Variants in FER1L6 observed in about 807,000 individuals in gnomAD.
FER1L6 encodes the protein fer-1-like protein 6.
Under a neutral mutation model 219.2 loss-of-function variants are expected in FER1L6, and 177 were observed. That is an observed-to-expected ratio of 0.81 (90% confidence interval 0.71 to 0.91). The LOEUF (loss-of-function observed/expected upper bound fraction) is 0.91. Ranked by LOEUF, FER1L6 falls within the 40% of genes least tolerant of loss-of-function variation. The pLI, the probability that FER1L6 is intolerant of heterozygous loss-of-function variation, is 0.00. For missense variants in FER1L6, 2,153 were observed against 2,259.9 expected, an observed-to-expected ratio of 0.95 and a Z score of 0.96; for synonymous variants, 768 against 824.3, an observed-to-expected ratio of 0.93 and a Z score of 1.17.
intron 1 of FER1L6, among the ~76,000 whole-genome samples, chr8:123,856,501 A>G (rs1040036462): frequency 2.0e-5 from 3 of 151,412 alleles, no homozygotes; most frequent in Admixed American, 2.0e-4. Context: ...TAAGTCATTT[A>G]ATCACACTGA....
intron 20 of FER1L6, among the ~76,000 whole-genome samples, chr8:124,043,897 G>A (rs1032173585): frequency 4.6e-5 from 7 of 152,210 alleles, no homozygotes; most frequent in Non-Finnish European, 1.0e-4. Flanking sequence ...CCAAGGACAG[G>A]TCGATACGCA....
rs61303449 is a variant in FER1L6, at chr8:123,852,471, CGT to C, written c.-8+327_-8+328del. Among the ~76,000 whole-genome samples the C allele has an allele frequency of 0.11, 14,982 of 139,850 alleles. 861 individuals are homozygous for C. The highest frequency in any genetic ancestry group is 0.17 in the African/African-American group (6,155 of 36,840). The allele number at this position is 139,850 out of a possible 152,430, so 91.7% of individuals were successfully genotyped here. A position where few individuals can be genotyped will look rare whatever the true frequency, so the allele number is the denominator to read the frequency against. ...GCTTGAACTCCATGTTGTGAGCATG[CGT>C]GTGTGTGTGTGTGTGTGTGTGTGTG... On this transcript the variant is annotated intron_variant, in intron 1 of 40. Transcript: ENST00000522917. The surrounding 1 kb of genome is among the most constrained non-coding windows in gnomAD (Gnocchi z 4.9).
Position 123,855,946 on chromosome 8 carries a change from TGTA to T in FER1L6, c.-8+3765_-8+3767del, listed in dbSNP as rs1232833339. Among the ~76,000 whole-genome samples the T allele has an allele frequency of 8.3e-4, 117 of 140,428 alleles. 6 individuals carry two copies. The highest frequency in any genetic ancestry group is 2.8e-3 in the African/African-American group (96 of 34,036). 92.1% of individuals were successfully genotyped at this position (140,428 alleles called of 152,430 possible). ...GTATATATTACTAATATGTAACTAA[TGTA>T]GTATATATATTACAGATATACATAT... On this transcript the variant is annotated intron_variant, in intron 1 of 40. Coordinates refer to ENST00000522917, the MANE Select transcript of FER1L6 (RefSeq NM_001039112.2).
intron 1 of FER1L6, among the ~76,000 whole-genome samples, chr8:123,896,126 C>T (rs1812738611): frequency 6.6e-6 from 1 of 152,142 alleles, no homozygotes; most frequent in African/African-American, 2.4e-5. Flanking sequence ...GTGCTCATGG[C>T]CTTGTCCCAG....
At chr8:123,950,057 A>T (rs1455433647) in intron 1 of FER1L6, among the ~76,000 whole-genome samples, 1 of 152,182 alleles carries the variant, frequency 6.6e-6, no homozygotes, top group African/African-American at 2.4e-5. Flanking sequence ...CAGGGCTTTA[A>T]TTAGCCTGGA....
chr8:124,084,564 C>A (rs534987715), intron 33 of FER1L6, among the ~76,000 whole-genome samples: 1 of 152,196 alleles, frequency 6.6e-6, no homozygotes, highest in African/African-American at 2.4e-5. Context: ...ATGTATCACA[C>A]TGATTGATTG....
chr8:124,043,634 T>G (rs1819598803), intron 20 of FER1L6, among the ~76,000 whole-genome samples: 1 of 152,212 alleles, frequency 6.6e-6, no homozygotes, highest in South Asian at 2.1e-4. Flanking sequence ...GGCTGATAAA[T>G]GGAAGAGCGT....
At position 123,945,532 on chromosome 8, in the gene FER1L6, A is replaced by G. The variant is rs907736641; in HGVS notation, c.-7-10460A>G. Among the ~76,000 whole-genome samples the G allele has an allele frequency of 3.3e-5, 5 of 152,188 alleles. No homozygotes were observed. The East Asian group carries it at 5.8e-4, about 18-fold the overall frequency. Reference sequence around the variant, plus strand: ...TGAGCCTTCAGGTTTATTTTTTTCTATGCAGGACATCAATGAAAACTGAAG... The same window carrying G: ...TGAGCCTTCAGGTTTATTTTTTTCTGTGCAGGACATCAATGAAAACTGAAG... On this transcript the variant is annotated intron_variant, in intron 1 of 40. Transcript: ENST00000522917.
At chr8:123,963,505 G>C in intron 3 of FER1L6, 107 bp downstream of exon 3, 3 of 1,330,620 alleles carry the variant, frequency 2.3e-6, no homozygotes, top group Admixed American at 3.9e-5. Flanking sequence ...CATAGTCACT[G>C]TCTACAGGCA....
At chr8:124,071,114 T>C (rs1821050132) in intron 30 of FER1L6, among the ~76,000 whole-genome samples, 1 of 152,236 alleles carries the variant, frequency 6.6e-6, no homozygotes, top group Admixed American at 6.5e-5. Flanking sequence ...ACCAGCTGCA[T>C]GATCTGGAAC....
intron 5 of FER1L6, among the ~76,000 whole-genome samples, 168 bp from the exon 6 acceptor site, chr8:123,969,867 C>CAAAA (rs369712009): frequency 1.4e-5 from 1 of 71,998 alleles, no homozygotes; most frequent in African/African-American, 5.7e-5. Flanking sequence ...ACCCTGTCTC[C>CAAAA]AAAAAAAAAA....
chr8:123,966,377 T>C (rs1310530359), intron 5 of FER1L6, 87 bp downstream of exon 5: 1 of 1,523,186 alleles, frequency 6.6e-7, no homozygotes, highest in African/African-American at 1.4e-5. Context: ...CAAAGAGCTG[T>C]GCCCCTCCTG....
At chr8:124,104,471 G>A (rs1247084773) in intron 39 of FER1L6, among the ~76,000 whole-genome samples, 4 of 152,130 alleles carry the variant, frequency 2.6e-5, no homozygotes, top group African/African-American at 9.7e-5. Context: ...TGGAGTTGAG[G>A]GTTCAAACAG....
intron 6 of FER1L6, among the ~76,000 whole-genome samples, chr8:123,971,882 C>T (rs561731728): frequency 6.6e-6 from 1 of 152,270 alleles, no homozygotes; most frequent in African/African-American, 2.4e-5. Context: ...TCCCCAGAGT[C>T]CTGGTGATTT....
chr8:123,891,217 T>C (rs1482596800), intron 1 of FER1L6, among the ~76,000 whole-genome samples: 4 of 152,206 alleles, frequency 2.6e-5, no homozygotes, highest in Non-Finnish European at 4.4e-5. Context: ...TTGAAGATTT[T>C]AGTGACGAAA....
intron 34 of FER1L6, among the ~76,000 whole-genome samples, chr8:124,092,233 T>C (rs1475835843): frequency 6.6e-6 from 1 of 152,226 alleles, no homozygotes; most frequent in Admixed American, 6.5e-5. Flanking sequence ...AGTGATGATA[T>C]GCCTTTTTAC....
At chr8:123,975,439 C>A in intron 8 of FER1L6, 133 bp downstream of exon 8, 2 of 773,640 alleles carry the variant, frequency 2.6e-6, no homozygotes, top group Non-Finnish European at 4.1e-6. Flanking sequence ...TGGCATTCTG[C>A]TCTATCAGAC....
rs774819600 is a variant in FER1L6, at chr8:124,031,465, A to G, written c.2287-3812A>G. 5.3e-5 allele frequency among the ~76,000 whole-genome samples: 8 copies of G among 152,312 alleles called. No individual in the cohort carries two copies. In the South Asian group the frequency reaches 1.7e-3, roughly 32 times the overall value. On this transcript the variant is annotated intron_variant, in intron 18 of 40. Transcript: ENST00000522917. ...CCTAGCTGCTTCTTGGCCTCTCTGT[A>G]GCATTCTTTCCTTCTGGATGTGGAG... is the stretch of plus-strand genomic sequence containing the variant.
At chr8:123,890,625 ATTT>A (rs59914385) in intron 1 of FER1L6, among the ~76,000 whole-genome samples, 27 of 91,420 alleles carry the variant, frequency 3.0e-4, no homozygotes, top group African/African-American at 1.1e-3. Context: ...TAAAAATTTG[ATTT>A]TTTTTTTTTT....
Sources: allele counts gnomAD v4.1 joint callset (sites outside exome capture counted in the v4.1 genomes callset), GRCh38; gene constraint gnomAD v4.1.1; non-coding constraint Gnocchi (gnomAD v3.1); transcripts MANE v1.5; gene names NCBI Gene and HGNC (gene_info 2026-07-23, HGNC 2026-07-21).